Variants in TENM3 observed in about 807,000 individuals in gnomAD.
The protein encoded by TENM3 is teneurin transmembrane protein 3.
In TENM3, 63 loss-of-function variants were observed where a neutral mutation model predicts 255.1. The ratio of observed to expected loss-of-function variants is 0.25; its 90% CI spans 0.20 to 0.30. TENM3 has a LOEUF of 0.30. Among genes scored for constraint, TENM3 ranks in the 10% least tolerant of loss-of-function variants. The pLI, the probability that TENM3 is intolerant of heterozygous loss-of-function variation, is 1.00. For synonymous variants in TENM3, 1,306 were observed against 1,322.3 expected, an observed-to-expected ratio of 0.99 and a Z score of 0.27; for missense variants, 2,929 against 3,461.1, an observed-to-expected ratio of 0.85 and a Z score of 3.86.
chr4:181,966,285 T>C, the TENM3 span, among the ~76,000 whole-genome samples: 1 of 151,994 alleles, frequency 6.6e-6, no homozygotes, highest in African/African-American at 2.4e-5. Context: ...CAGTTTGGGG[T>C]GGTGGGGATG....
the TENM3 span, among the ~76,000 whole-genome samples, chr4:181,606,778 A>G: frequency 6.6e-6 from 1 of 151,998 alleles, no homozygotes; most frequent in East Asian, 1.9e-4. Context: ...CCACTCAAGC[A>G]GAAGGCCAGA....
At chr4:182,531,133 G>T (rs978933818) in intron 3 of TENM3, among the ~76,000 whole-genome samples, 3 of 152,132 alleles carry the variant, frequency 2.0e-5, no homozygotes, top group African/African-American at 7.2e-5. Context: ...AAATCAAGGA[G>T]CCTGTGCTAT....
In TENM3 at chr4:182,324,417, A is replaced by G. The variant is rs1053762230; in HGVS notation, c.232+165A>G. ...TCATGCAGTATTCCAGATGAGAGAT[A>G]GAAAGCCACCGGTGGGCACATTGGT... On this transcript the variant is annotated intron_variant, in intron 2 of 27. Coordinates refer to ENST00000511685, the MANE Select transcript of TENM3 (RefSeq NM_001080477.4). Among the ~76,000 whole-genome samples, 59 of 152,268 alleles carry G rather than the reference A, an allele frequency of 3.9e-4. 1 individual carries two copies. The highest frequency in any genetic ancestry group is 1.4e-3 in the African/African-American group (58 of 41,474).
the TENM3 span, among the ~76,000 whole-genome samples, chr4:181,567,623 T>C: frequency 6.6e-6 from 1 of 152,336 alleles, no homozygotes; most frequent in East Asian, 1.9e-4. Context: ...CCTTTGTTTC[T>C]CAAACTGTAT....
the TENM3 span, among the ~76,000 whole-genome samples, chr4:181,642,686 G>A: frequency 1.3e-5 from 2 of 152,110 alleles, no homozygotes; most frequent in African/African-American, 4.8e-5. Flanking sequence ...AGTTAATTTT[G>A]TGTAAGGAAG....
the TENM3 span, among the ~76,000 whole-genome samples, chr4:181,517,793 CTA>C: frequency 5.9e-5 from 9 of 152,172 alleles, no homozygotes; most frequent in Non-Finnish European, 1.3e-4. Context: ...GAAGAATTCT[CTA>C]TGTTTATGAA....
chr4:182,031,100 T>G, the TENM3 span, among the ~76,000 whole-genome samples: 2 of 152,230 alleles, frequency 1.3e-5, no homozygotes, highest in Admixed American at 1.3e-4. Context: ...GCAATTGCCT[T>G]TGACATTTAT....
chr4:182,239,599 C>A (rs1258346760), upstream of TENM3, among the ~76,000 whole-genome samples: 1 of 152,056 alleles, frequency 6.6e-6, no homozygotes, highest in East Asian at 1.9e-4. Flanking sequence ...GGTTATCTTG[C>A]AGGAAAAAGA....
chr4:181,865,747 A>G, the TENM3 span, among the ~76,000 whole-genome samples: 4 of 152,160 alleles, frequency 2.6e-5, no homozygotes, highest in Admixed American at 6.6e-5. Context: ...ATACAGGTCC[A>G]TAGGTTTGTA....
chr4:182,237,120 T>C (rs922256431), intron 1 of TENM3, among the ~76,000 whole-genome samples: 1 of 152,142 alleles, frequency 6.6e-6, no homozygotes, highest in African/African-American at 2.4e-5. Context: ...TTTGTTCCTG[T>C]GTTAGTTTGC....
chr4:182,536,365 G>A (rs958942950), intron 3 of TENM3, among the ~76,000 whole-genome samples: 2 of 152,216 alleles, frequency 1.3e-5, no homozygotes, highest in Admixed American at 6.5e-5. Context: ...GAAGACCATT[G>A]AATAGGAATG....
At chr4:182,664,257 T>C in intron 6 of TENM3, among the ~76,000 whole-genome samples, 1 of 152,214 alleles carries the variant, frequency 6.6e-6, no homozygotes, top group East Asian at 1.9e-4. Flanking sequence ...TATTTCAAAC[T>C]TTTTCATTAT....
chr4:181,511,640 T>G, the TENM3 span, among the ~76,000 whole-genome samples: 1 of 152,260 alleles, frequency 6.6e-6, no homozygotes, highest in East Asian at 1.9e-4. Context: ...ATACATTCAT[T>G]TATTTATTTA....
chr4:182,439,503 C>T (rs557677908), intron 3 of TENM3, among the ~76,000 whole-genome samples: 57 of 152,258 alleles, frequency 3.7e-4, no homozygotes, highest in African/African-American at 1.2e-3. Context: ...TGTCCTGTGA[C>T]GATTAAACAA....
At chr4:181,566,178 A>G in the TENM3 span, among the ~76,000 whole-genome samples, 1 of 152,318 alleles carries the variant, frequency 6.6e-6, no homozygotes, top group South Asian at 2.1e-4. Context: ...CTTCTTTTGC[A>G]AGATTTTTTA....
At chr4:181,636,679 AG>A in the TENM3 span, among the ~76,000 whole-genome samples, 1 of 152,132 alleles carries the variant, frequency 6.6e-6, no homozygotes, top group Non-Finnish European at 1.5e-5. Flanking sequence ...CCTCAGTGCA[AG>A]CGCCCATCGT....
At chr4:182,311,101 A>C (rs1442178319) in intron 1 of TENM3, among the ~76,000 whole-genome samples, 1 of 152,228 alleles carries the variant, frequency 6.6e-6, no homozygotes, top group Non-Finnish European at 1.5e-5. Flanking sequence ...CAGACAAGCA[A>C]AGAGAATTGT....
chr4:182,753,432 T>TG lies in TENM3; in HGVS notation c.3863-17dup, dbSNP rs1762511789. On this transcript the variant is annotated splice_polypyrimidine_tract_variant and intron_variant, in intron 20 of 27. Coordinates refer to ENST00000511685, the MANE Select transcript of TENM3 (RefSeq NM_001080477.4). Reference sequence around the variant, plus strand: ...CCATTTTTGAAAAATTAGTAATACTTGCTTCTCTCAAATACAGGAATGGCA... The same window carrying TG: ...CCATTTTTGAAAAATTAGTAATACTTGGCTTCTCTCAAATACAGGAATGGCA... The TG allele has an allele frequency of 2.5e-6, 4 of 1,605,428 alleles. No homozygotes were observed. The highest frequency in any genetic ancestry group is 3.4e-6 in the Non-Finnish European group (4 of 1,174,172).
At chr4:182,282,177 A>G (rs1224561129) in intron 1 of TENM3, among the ~76,000 whole-genome samples, 1 of 152,242 alleles carries the variant, frequency 6.6e-6, no homozygotes, top group Non-Finnish European at 1.5e-5. Context: ...TTATAATTCA[A>G]ATACCAGTGG....
Sources: allele counts gnomAD v4.1 joint callset (sites outside exome capture counted in the v4.1 genomes callset), GRCh38; gene constraint gnomAD v4.1.1; transcripts MANE v1.5; gene names NCBI Gene and HGNC (gene_info 2026-07-23, HGNC 2026-07-21).